SPMIP2: variants seen among roughly 807,000 people sequenced by gnomAD.
SPMIP2 encodes sperm microtubule inner protein 2, also known as protein SPMIP2.
At chr4:159,015,312 G>T in the SPMIP2 span, among the ~76,000 whole-genome samples, 1 of 152,208 alleles carries the variant, frequency 6.6e-6, no homozygotes, top group Non-Finnish European at 1.5e-5. Flanking sequence ...AAGGAAAAAT[G>T]CAGTGCCTCA....
At chr4:158,935,558 T>C in the SPMIP2 span, among the ~76,000 whole-genome samples, 5 of 152,086 alleles carry the variant, frequency 3.3e-5, no homozygotes, top group African/African-American at 1.2e-4. Context: ...GTTTCTCTAA[T>C]GATACAAAAA....
the SPMIP2 span, among the ~76,000 whole-genome samples, chr4:158,917,780 G>A: frequency 1.5e-5 from 2 of 135,798 alleles, no homozygotes; most frequent in Non-Finnish European, 3.1e-5. Context: ...GGAGTGCAAT[G>A]GCGTGATCTC....
chr4:159,001,926 C>T, the SPMIP2 span, among the ~76,000 whole-genome samples: 9 of 152,184 alleles, frequency 5.9e-5, no homozygotes, highest in Non-Finnish European at 8.8e-5. Flanking sequence ...CGCCACCCTG[C>T]TTTCCACAAT....
the SPMIP2 span, among the ~76,000 whole-genome samples, chr4:158,918,846 G>A: frequency 3.3e-5 from 5 of 152,202 alleles, no homozygotes; most frequent in South Asian, 2.1e-4. Context: ...CCAGGCCCGC[G>A]TGATGGGTAG....
the SPMIP2 span, among the ~76,000 whole-genome samples, chr4:158,926,098 G>A: frequency 3.7e-3 from 569 of 152,234 alleles, 6 homozygotes; most frequent in African/African-American, 0.013. Flanking sequence ...CATTCAGACC[G>A]TAGCAATCAG....
chr4:159,016,326 A>G, the SPMIP2 span, among the ~76,000 whole-genome samples: 2 of 152,344 alleles, frequency 1.3e-5, no homozygotes, highest in East Asian at 3.9e-4. Flanking sequence ...TCCTGACAAT[A>G]GATGAAGAAA....
chr4:159,033,463 T>A, the SPMIP2 span, among the ~76,000 whole-genome samples: 3 of 152,082 alleles, frequency 2.0e-5, no homozygotes, highest in East Asian at 1.9e-4. Context: ...TTAAAAAAAA[T>A]TATTTACGAG....
chr4:159,043,695 A>G, the SPMIP2 span, among the ~76,000 whole-genome samples: 3 of 152,190 alleles, frequency 2.0e-5, no homozygotes, highest in Non-Finnish European at 4.4e-5. Flanking sequence ...TAGAATTACT[A>G]TGTAGTCTTC....
the SPMIP2 span, among the ~76,000 whole-genome samples, chr4:158,949,843 A>G: frequency 6.6e-6 from 1 of 152,260 alleles, no homozygotes; most frequent in Non-Finnish European, 1.5e-5. Flanking sequence ...GATCAGTTAT[A>G]TATGATCTTG....
the SPMIP2 span, among the ~76,000 whole-genome samples, chr4:158,928,879 G>A: frequency 3.3e-5 from 5 of 151,574 alleles, no homozygotes; most frequent in East Asian, 9.7e-4. Flanking sequence ...ACCGCGAAGG[G>A]CTGCAGCTTC....
chr4:158,954,287 T>C, the SPMIP2 span, among the ~76,000 whole-genome samples: 1 of 152,200 alleles, frequency 6.6e-6, no homozygotes, highest in South Asian at 2.1e-4. Flanking sequence ...CAAGATCTGA[T>C]GGTTTTATCA....
At chr4:158,917,420 A>G in the SPMIP2 span, among the ~76,000 whole-genome samples, 24 of 147,250 alleles carry the variant, frequency 1.6e-4, no homozygotes, top group East Asian at 8.0e-4. Context: ...GAGCAGGGGG[A>G]AAAAAAAAAG....
At chr4:158,982,378 C>T in the SPMIP2 span, among the ~76,000 whole-genome samples, 9 of 152,242 alleles carry the variant, frequency 5.9e-5, no homozygotes, top group Non-Finnish European at 1.3e-4. Context: ...GCAGACCTAA[C>T]AGACATCCAC....
the SPMIP2 span, among the ~76,000 whole-genome samples, chr4:159,015,964 G>A: frequency 3.9e-5 from 6 of 152,192 alleles, no homozygotes; most frequent in Non-Finnish European, 5.9e-5. Flanking sequence ...CTACAGCAAA[G>A]CTGGGTGATG....
chr4:158,911,892 G>A, the SPMIP2 span, among the ~76,000 whole-genome samples: 1 of 152,068 alleles, frequency 6.6e-6, no homozygotes, highest in African/African-American at 2.4e-5. Context: ...GCAAAGAAAT[G>A]AAATAGAAAT....
At chr4:159,052,918 G>C in the SPMIP2 span, among the ~76,000 whole-genome samples, 1 of 149,926 alleles carries the variant, frequency 6.7e-6, no homozygotes, top group Non-Finnish European at 1.5e-5. Flanking sequence ...TTACAGATGT[G>C]AGCCACTACG....
the SPMIP2 span, among the ~76,000 whole-genome samples, chr4:158,965,146 A>G: frequency 3.9e-5 from 6 of 152,288 alleles, no homozygotes; most frequent in East Asian, 9.6e-4. Flanking sequence ...ACAAAACAAA[A>G]CAAGAACAAA....
At chr4:159,039,899 G>A in the SPMIP2 span, among the ~76,000 whole-genome samples, 2 of 152,136 alleles carry the variant, frequency 1.3e-5, no homozygotes, top group Non-Finnish European at 2.9e-5. Context: ...TAACATTTGC[G>A]AAAGAATCAA....
chr4:158,911,113 G>A, the SPMIP2 span, among the ~76,000 whole-genome samples: 1 of 152,174 alleles, frequency 6.6e-6, no homozygotes, highest in Non-Finnish European at 1.5e-5. Flanking sequence ...ATGTCACGTA[G>A]TCTCTGAATA....
Sources: gnomAD v4.1 joint callset for allele counts (sites outside exome capture counted in the v4.1 genomes callset) on GRCh38, gnomAD v4.1.1 for gene constraint, MANE v1.5 for transcripts, NCBI Gene and HGNC (gene_info 2026-07-23, HGNC 2026-07-21) for gene names.